Variants in FRMPD4 observed in about 807,000 individuals in gnomAD.
The protein encoded by FRMPD4 is FERM and PDZ domain-containing protein 4.
FRMPD4 carries 22 observed loss-of-function variants against 94.1 expected under a neutral mutation model. The ratio of observed to expected loss-of-function variants is 0.23; its 90% confidence interval spans 0.17 to 0.33. FRMPD4 has a LOEUF of 0.33. FRMPD4 is among the 10% of genes least tolerant of loss of function. The pLI is 1.00. For synonymous variants in FRMPD4, 631 were observed against 548.6 expected, an observed-to-expected ratio of 1.15 and a Z score of -2.10; for missense variants, 1,111 against 1,339.9, an observed-to-expected ratio of 0.83 and a Z score of 2.67.
chrX:12,246,196 G>A (rs2053956002), intron 1 of FRMPD4, among the ~76,000 whole-genome samples: 1 of 111,944 alleles, frequency 8.9e-6, no homozygotes, highest in Admixed American at 9.4e-5. Flanking sequence ...TGAAAAGCCT[G>A]CTTCTCAGTT....
rs1051369310 is a variant in FRMPD4, at chrX:12,591,065, G to A, written c.159-18656G>A. Among the ~76,000 whole-genome samples, 9 of 111,311 alleles carry A rather than the reference G, an allele frequency of 8.1e-5. No individual in the cohort carries two copies. In the East Asian group the frequency reaches 8.4e-4, roughly 10 times the overall value. The stretch of plus-strand genomic sequence containing the variant: ...GAACAGTGCAGGAGTTCAGAGGGCC[G>A]ACCCCCAAAACAGTCAAATATTTGT... On this transcript the variant is annotated intron_variant, in intron 2 of 16. Coordinates refer to ENST00000675598, the MANE Select transcript of FRMPD4 (RefSeq NM_001368397.1).
chrX:12,075,824 C>A (rs1407295563), intron 3 of FRMPD4, among the ~76,000 whole-genome samples: 1 of 112,301 alleles, frequency 8.9e-6, no homozygotes, highest in Non-Finnish European at 1.9e-5. Context: ...GCAAAGAGCA[C>A]TGGGAAGTTG....
At chrX:12,326,422 A>G (rs2055288667) in intron 1 of FRMPD4, among the ~76,000 whole-genome samples, 1 of 111,657 alleles carries the variant, frequency 9.0e-6, no homozygotes, top group African/African-American at 3.3e-5. Flanking sequence ...TGTGCATTGT[A>G]AGGTATGTAA....
chrX:12,405,989 T>C (rs1483564667), intron 1 of FRMPD4, among the ~76,000 whole-genome samples: 4 of 111,136 alleles, frequency 3.6e-5, no homozygotes, highest in Admixed American at 1.9e-4. Flanking sequence ...AAAAATAAGG[T>C]TTATCTCCGA....
chrX:12,452,072 A>G (rs917014495), intron 1 of FRMPD4, among the ~76,000 whole-genome samples: 5 of 110,888 alleles, frequency 4.5e-5, no homozygotes, highest in South Asian at 3.9e-4. Flanking sequence ...CTCTGTTTAC[A>G]GGGATAATAA....
chrX:12,080,122 A>G (rs1474314239), intron 3 of FRMPD4, among the ~76,000 whole-genome samples: 1 of 112,158 alleles, frequency 8.9e-6, no homozygotes. Context: ...TGATAGCATT[A>G]TTTGCCAACT....
chrX:12,712,082 A>AT (rs1346827584), intron 14 of FRMPD4, among the ~76,000 whole-genome samples: 1 of 111,356 alleles, frequency 9.0e-6, no homozygotes, highest in Non-Finnish European at 1.9e-5. Flanking sequence ...GAGGTATCTG[A>AT]TTTTTTTTAA....
At chrX:12,000,433 G>A (rs5935218) in intron 3 of FRMPD4, among the ~76,000 whole-genome samples, 9,782 of 111,790 alleles carry the variant, frequency 0.088, 356 homozygotes, top group East Asian at 0.24. Context: ...ATACAAGGCA[G>A]TTTTGATATA....
intron 4 of FRMPD4, among the ~76,000 whole-genome samples, chrX:12,616,111 G>A (rs986934633): frequency 2.7e-5 from 3 of 111,532 alleles, no homozygotes; most frequent in Admixed American, 9.5e-5. Flanking sequence ...TGGTCTGAAT[G>A]TTAGTGCCCC....
At chrX:12,173,998 G>A (rs2056262870) in intron 1 of FRMPD4, among the ~76,000 whole-genome samples, 1 of 111,476 alleles carries the variant, frequency 9.0e-6, no homozygotes, top group Non-Finnish European at 1.9e-5. Context: ...TCTTCCAGGG[G>A]CTGCCTCCCT....
At chrX:12,262,435 C>G (rs1049464625) in intron 1 of FRMPD4, among the ~76,000 whole-genome samples, 1 of 110,943 alleles carries the variant, frequency 9.0e-6, no homozygotes, top group Non-Finnish European at 1.9e-5. Flanking sequence ...GTTTGCCAAT[C>G]CCTGGTTTAG....
intron 1 of FRMPD4, among the ~76,000 whole-genome samples, chrX:12,324,750 C>A (rs889547079): frequency 3.6e-5 from 4 of 109,972 alleles, no homozygotes; most frequent in Non-Finnish European, 7.6e-5. Context: ...AAATGAATTA[C>A]CTTTTCTTTA....
intron 1 of FRMPD4, among the ~76,000 whole-genome samples, chrX:12,445,218 A>G (rs1478808577): frequency 1.8e-5 from 2 of 112,155 alleles, no homozygotes; most frequent in African/African-American, 6.5e-5. Flanking sequence ...TGGGAATTTG[A>G]TAGAAATGAA....
intron 1 of FRMPD4, among the ~76,000 whole-genome samples, chrX:12,162,124 C>T (rs6640914): frequency 0.4 from 43,973 of 111,159 alleles, 7,285 homozygotes; most frequent in East Asian, 0.82. Flanking sequence ...AAGTCTGCAT[C>T]GTGGAAGTTA....
At chrX:12,517,591 C>G (rs922505050) in intron 2 of FRMPD4, among the ~76,000 whole-genome samples, 1 of 112,509 alleles carries the variant, frequency 8.9e-6, no homozygotes, top group Non-Finnish European at 1.9e-5. Flanking sequence ...TCTGGGATCT[C>G]TGTCCCAGAG....
At chrX:12,365,150 A>T (rs2056055908) in intron 1 of FRMPD4, among the ~76,000 whole-genome samples, 2 of 112,368 alleles carry the variant, frequency 1.8e-5, no homozygotes, top group South Asian at 7.5e-4. Flanking sequence ...GGTGAACATG[A>T]ACCTACTTTG....
intron 4 of FRMPD4, among the ~76,000 whole-genome samples, chrX:12,657,154 C>T (rs997835432): frequency 9.0e-6 from 1 of 111,466 alleles, no homozygotes; most frequent in Admixed American, 9.5e-5. Flanking sequence ...CTCACCTTTC[C>T]TGTGGATCAG....
chrX:12,365,786 A>G (rs186928336), intron 1 of FRMPD4, among the ~76,000 whole-genome samples: 1 of 111,480 alleles, frequency 9.0e-6, no homozygotes, highest in East Asian at 2.8e-4. Flanking sequence ...GGAAGTTTTT[A>G]TTTTCTGTGT....
chrX:12,579,924 C>CT (rs1272905736), intron 2 of FRMPD4, among the ~76,000 whole-genome samples: 1 of 112,192 alleles, frequency 8.9e-6, no homozygotes, highest in Non-Finnish European at 1.9e-5. Flanking sequence ...AGAAGGAAAG[C>CT]TATTGGAATA....
Sources: gnomAD v4.1 joint callset for allele counts (sites outside exome capture counted in the v4.1 genomes callset) on GRCh38, gnomAD v4.1.1 for gene constraint, MANE v1.5 for transcripts, NCBI Gene and HGNC (gene_info 2026-07-23, HGNC 2026-07-21) for gene names.